ARHGAP18: variants seen among roughly 807,000 people sequenced by gnomAD.
ARHGAP18 encodes Rho GTPase activating protein 18.
In ARHGAP18, 67 loss-of-function variants were observed where a neutral mutation model predicts 86.2. The ratio of observed to expected loss-of-function variants is 0.78; its 90% CI spans 0.64 to 0.95. ARHGAP18 has a LOEUF of 0.95. Among genes scored for constraint, ARHGAP18 ranks in the 40% least tolerant of loss-of-function variants. The pLI, the probability that ARHGAP18 is intolerant of heterozygous loss-of-function variation, is 0.00. For synonymous variants in ARHGAP18, 283 were observed against 280.4 expected (o/e 1.01, Z -0.09); for missense variants, 691 against 780.4 (o/e 0.89, Z 1.37).
rs145956837 is a variant in ARHGAP18 at position 129,621,085 on chromosome 6, A to G, written c.787-2233T>C. On this transcript the variant is annotated intron_variant, in intron 5 of 14. Coordinates refer to ENST00000368149, the MANE Select transcript of ARHGAP18 (RefSeq NM_033515.3). The stretch of plus-strand genomic sequence containing the variant: ...TATTTATGTTAACTATAATATTGTT[A>G]TATTAAATGGATTAATATTTTTTCA... 4.6e-3 allele frequency among the ~76,000 whole-genome samples: 704 copies of G among 152,298 alleles called. 7 individuals are homozygous for G. The highest frequency in any genetic ancestry group is 0.016 in the African/African-American group (671 of 41,552).
At chr6:129,601,141 G>A (rs1452972807) in intron 10 of ARHGAP18, among the ~76,000 whole-genome samples, 1 of 152,110 alleles carries the variant, frequency 6.6e-6, no homozygotes, top group African/African-American at 2.4e-5. Flanking sequence ...CTGGCCTATG[G>A]GAGTCATGGA....
chr6:129,684,459 T>C (rs1025620812), intron 1 of ARHGAP18, among the ~76,000 whole-genome samples: 4 of 152,242 alleles, frequency 2.6e-5, no homozygotes, highest in Non-Finnish European at 4.4e-5. Context: ...GACTTTTGCC[T>C]CCTCTTTTGT....
chr6:129,677,355 T>C (rs1325523315), intron 1 of ARHGAP18, among the ~76,000 whole-genome samples: 1 of 151,744 alleles, frequency 6.6e-6, no homozygotes, highest in African/African-American at 2.4e-5. Context: ...ATCGCACCAC[T>C]GCAGTCCGGC....
At chr6:129,667,743 A>G (rs1176082252) in intron 1 of ARHGAP18, among the ~76,000 whole-genome samples, 1 of 152,052 alleles carries the variant, frequency 6.6e-6, no homozygotes, top group Non-Finnish European at 1.5e-5. Flanking sequence ...ACTGGTTCCC[A>G]GCAGGCTCTT....
At chr6:129,600,918 T>A in intron 10 of ARHGAP18, 70 bp from the exon 11 acceptor site, 1 of 1,340,496 alleles carries the variant, frequency 7.5e-7, no homozygotes, top group Non-Finnish European at 1.0e-6. Context: ...CTGTAGCATA[T>A]GCAATTTTTA....
chr6:129,648,020 C>G (rs1773614937), intron 1 of ARHGAP18, among the ~76,000 whole-genome samples: 1 of 151,988 alleles, frequency 6.6e-6, no homozygotes, highest in Non-Finnish European at 1.5e-5. Context: ...TGCGTATAGC[C>G]AAGGCAAAAG....
At chr6:129,623,006 C>CAAAAAAAAAAA (rs57274879) in intron 5 of ARHGAP18, among the ~76,000 whole-genome samples, 16 of 39,602 alleles carry the variant, frequency 4.0e-4, no homozygotes, top group Middle Eastern at 0.017. Flanking sequence ...CATCTCAAAA[C>CAAAAAAAAAAA]AAAAAAAAAA....
In ARHGAP18 at chr6:129,578,436, T is replaced by C. The variant is rs759753616; in HGVS notation, c.*77A>G. The stretch of plus-strand genomic sequence containing the variant: ...CAACTGAATAATATGAGTCCTGCCA[T>C]TTCTTTTATTTACACTCTTGACTCA... On this transcript the variant is annotated 3_prime_UTR_variant, in exon 15 of 15. Transcript: ENST00000368149. 2.6e-4 allele frequency: 301 copies of C among 1,166,428 alleles called. No individual in the cohort carries two copies. The highest frequency in any genetic ancestry group is 3.7e-4 in the Non-Finnish European group (293 of 802,140). The allele number at this position is 1,166,428 out of a possible 1,614,324, so 72.3% of individuals were successfully genotyped here. A position where few individuals can be genotyped will look rare whatever the true frequency, so the allele number is the denominator to read the frequency against.
intron 1 of ARHGAP18, among the ~76,000 whole-genome samples, chr6:129,709,168 G>A (rs1774856298): frequency 6.6e-6 from 1 of 152,098 alleles, no homozygotes; most frequent in African/African-American, 2.4e-5. Context: ...AACTAATTTA[G>A]TGTTCTAGGC....
chr6:129,689,265 G>A (rs1215483965), intron 1 of ARHGAP18, among the ~76,000 whole-genome samples: 1 of 152,080 alleles, frequency 6.6e-6, no homozygotes, highest in Non-Finnish European at 1.5e-5. Flanking sequence ...AAACCAGCAT[G>A]TATTATTTTT....
At position 129,581,070 on chromosome 6, in the gene ARHGAP18, C is replaced by T. The variant is rs149127485; in HGVS notation, c.1839-939G>A. ...GTCTAGGATAAAGCCCAAGAAACTG[C>T]TTTTCAAATGCTCTATAGTGGATTC... is the stretch of plus-strand genomic sequence containing the variant. On this transcript the variant is annotated intron_variant, in intron 13 of 14. Coordinates refer to ENST00000368149, the MANE Select transcript of ARHGAP18 (RefSeq NM_033515.3). Among the ~76,000 whole-genome samples the T allele has an allele frequency of 1.6e-3, 240 of 152,272 alleles. 2 individuals are homozygous for T. Among genetic ancestry groups the T allele is most frequent in the African/African-American group, 5.4e-3 (226 of 41,548 alleles).
chr6:129,677,417 T>C (rs1337048090), intron 1 of ARHGAP18, among the ~76,000 whole-genome samples: 5 of 152,104 alleles, frequency 3.3e-5, no homozygotes, highest in Non-Finnish European at 7.4e-5. Context: ...ATTGCTTTTG[T>C]TGACTAATAT....
At chr6:129,647,441 C>T (rs1055145323) in intron 1 of ARHGAP18, among the ~76,000 whole-genome samples, 2 of 152,154 alleles carry the variant, frequency 1.3e-5, no homozygotes, top group African/African-American at 4.8e-5. Context: ...TCTGACCCTT[C>T]GAGGCATTTT....
chr6:129,641,849 C>T lies in ARHGAP18; in HGVS notation c.283G>A (p.Asp95Asn). Residue 95 changes from aspartate (D) to asparagine (N), a missense_variant, in exon 2 of 15, where the codon GAT (aspartate) becomes AAT (asparagine). By Grantham distance (23) the Asp-to-Asn change is conservative. Coordinates refer to ENST00000368149, the MANE Select transcript of ARHGAP18 (RefSeq NM_033515.3). ...TCTTTGACAACAACCACCTCTTGAT[C>T]TTCTTGGCTGTTTTCACTAGATTTC... ...IKKSSENSQE[D>N]QEVVVVKEPD... 2 of 1,613,836 alleles carry T rather than the reference C, an allele frequency of 1.2e-6. No homozygotes were observed. The highest frequency in any genetic ancestry group is 1.7e-6 in the Non-Finnish European group (2 of 1,179,884).
At chr6:129,700,710 T>C (rs1774695217) in intron 1 of ARHGAP18, among the ~76,000 whole-genome samples, 1 of 152,234 alleles carries the variant, frequency 6.6e-6, no homozygotes, top group Non-Finnish European at 1.5e-5. Flanking sequence ...ATGTTACATA[T>C]GTTGACTCAG....
chr6:129,632,946 C>T (rs996134217), intron 4 of ARHGAP18, among the ~76,000 whole-genome samples: 8 of 152,092 alleles, frequency 5.3e-5, no homozygotes, highest in African/African-American at 1.9e-4. Flanking sequence ...CTATTAATGG[C>T]ATGAACACTC....
At chr6:129,682,810 G>A (rs1433898922) in intron 1 of ARHGAP18, among the ~76,000 whole-genome samples, 1 of 152,134 alleles carries the variant, frequency 6.6e-6, no homozygotes, top group Non-Finnish European at 1.5e-5. Context: ...AATAAACAAG[G>A]GACTGAACAA....
intron 1 of ARHGAP18, among the ~76,000 whole-genome samples, chr6:129,677,425 T>G (rs552075054): frequency 8.8e-4 from 134 of 152,138 alleles, no homozygotes; most frequent in Admixed American, 1.4e-3. Flanking sequence ...TGTTGACTAA[T>G]ATACCTCCAT....
intron 1 of ARHGAP18, among the ~76,000 whole-genome samples, chr6:129,666,331 C>A (rs1774035316): frequency 6.6e-6 from 1 of 152,242 alleles, no homozygotes; most frequent in Non-Finnish European, 1.5e-5. Flanking sequence ...AAAAGAACGG[C>A]AAGTGTCTAG....
Sources: gnomAD v4.1 joint callset for allele counts (sites outside exome capture counted in the v4.1 genomes callset) on GRCh38, gnomAD v4.1.1 for gene constraint, MANE v1.5 for transcripts, NCBI Gene and HGNC (gene_info 2026-07-23, HGNC 2026-07-21) for gene names.